SLC25A48: variants seen among roughly 807,000 people sequenced by gnomAD.
The protein encoded by SLC25A48 is CTC-321K16.1.
SLC25A48 carries 29 observed loss-of-function variants against 32.2 expected under a neutral mutation model. That is an observed-to-expected ratio of 0.90 (90% CI 0.67 to 1.23). SLC25A48 has a LOEUF of 1.23. SLC25A48 is among the 50% of genes most tolerant of loss of function. SLC25A48 has a pLI of 0.00. For missense variants in SLC25A48, 399 were observed against 422.7 expected (o/e 0.94, Z 0.49); for synonymous variants, 164 against 172.3 (o/e 0.95, Z 0.38).
intron 3 of SLC25A48, among the ~76,000 whole-genome samples, chr5:135,699,684 A>G (rs977697380): frequency 4.6e-5 from 7 of 152,252 alleles, no homozygotes; most frequent in African/African-American, 1.7e-4. Flanking sequence ...GATTTTAAAA[A>G]CAATGGTAAT....
Position 135,738,871 on chromosome 5 carries a change from C to G in SLC25A48, c.-520-73652C>G, listed in dbSNP as rs544499070. 9.8e-5 allele frequency among the ~76,000 whole-genome samples: 15 copies of G among 152,300 alleles called. No individual in the cohort carries two copies. The Middle Eastern group carries it at 0.01, about 104-fold the overall frequency. On this transcript the variant is annotated intron_variant, in intron 3 of 10. Transcript: ENST00000646290. ...CCGAGGCAGGCGGATGATCTGAGGT[C>G]AGGAGTTCGAGACCAGCCTTGCCAA...
intron 4 of SLC25A48, among the ~76,000 whole-genome samples, chr5:135,870,728 C>T (rs1243954813): frequency 2.0e-5 from 3 of 152,028 alleles, no homozygotes; most frequent in Admixed American, 6.5e-5. Flanking sequence ...GTTTTAAGCC[C>T]CTACAATGTT....
intron 4 of SLC25A48, among the ~76,000 whole-genome samples, chr5:135,854,341 C>T (rs906761672): frequency 1.6e-4 from 25 of 152,244 alleles, no homozygotes; most frequent in African/African-American, 6.0e-4. Flanking sequence ...GTCCTGAAGT[C>T]ATCTTTTTCC....
At chr5:135,878,014 G>A (rs2126826364) in intron 6 of SLC25A48, among the ~76,000 whole-genome samples, 1 of 152,344 alleles carries the variant, frequency 6.6e-6, no homozygotes, top group East Asian at 1.9e-4. Context: ...GTCGTTGCAA[G>A]CCAGGAAAGA....
chr5:135,582,816 C>A (rs900670025), intron 1 of SLC25A48, among the ~76,000 whole-genome samples: 2 of 152,202 alleles, frequency 1.3e-5, no homozygotes, highest in African/African-American at 4.8e-5. Flanking sequence ...GACAGGCAAC[C>A]CTCTTCTCCT....
intron 3 of SLC25A48, among the ~76,000 whole-genome samples, chr5:135,637,431 A>G (rs540601239): frequency 1.8e-3 from 274 of 152,300 alleles, no homozygotes; most frequent in African/African-American, 6.4e-3. Context: ...CAAAAAAGAG[A>G]AAGATGTTAC....
At chr5:135,699,151 C>T (rs1754332501) in intron 3 of SLC25A48, among the ~76,000 whole-genome samples, 1 of 152,130 alleles carries the variant, frequency 6.6e-6, no homozygotes. Flanking sequence ...TAATATGACC[C>T]AGTGATTTGA....
intron 3 of SLC25A48, among the ~76,000 whole-genome samples, chr5:135,670,191 G>A (rs1228129765): frequency 6.6e-6 from 1 of 152,160 alleles, no homozygotes; most frequent in Non-Finnish European, 1.5e-5. Flanking sequence ...TGGCTTTGGA[G>A]AGTCCCTTAA....
At chr5:135,725,031 G>C (rs887917397) in intron 3 of SLC25A48, among the ~76,000 whole-genome samples, 1 of 152,234 alleles carries the variant, frequency 6.6e-6, no homozygotes, top group African/African-American at 2.4e-5. Flanking sequence ...AAGGCTTTTT[G>C]CTCTTTTGAG....
At chr5:135,704,212 G>A (rs1233420333) in intron 3 of SLC25A48, among the ~76,000 whole-genome samples, 1 of 152,192 alleles carries the variant, frequency 6.6e-6, no homozygotes, top group Non-Finnish European at 1.5e-5. Flanking sequence ...CTTTGCTATG[G>A]AGCAAATTCC....
chr5:135,860,978 G>T (rs1760733442), intron 4 of SLC25A48, among the ~76,000 whole-genome samples: 1 of 152,186 alleles, frequency 6.6e-6, no homozygotes, highest in African/African-American at 2.4e-5. Context: ...TATATAGCCA[G>T]TGTATATTCA....
At chr5:135,648,539 G>A (rs1484352322) in intron 3 of SLC25A48, 1 of 152,208 alleles carries the variant, frequency 6.6e-6, no homozygotes, top group African/African-American at 2.4e-5. Context: ...TGTGGAAGCA[G>A]GAGACCTGCG....
At chr5:135,671,270 T>C (rs771876609) in intron 3 of SLC25A48, among the ~76,000 whole-genome samples, 2 of 152,234 alleles carry the variant, frequency 1.3e-5, no homozygotes, top group Non-Finnish European at 2.9e-5. Flanking sequence ...CTGGGAAGTT[T>C]GTCACTGATA....
chr5:135,646,031 T>C (rs1561772804), intron 3 of SLC25A48, among the ~76,000 whole-genome samples: 1 of 152,132 alleles, frequency 6.6e-6, no homozygotes, highest in Non-Finnish European at 1.5e-5. Flanking sequence ...GTTTTCTGTT[T>C]GTGTGAAAAA....
intron 1 of SLC25A48, among the ~76,000 whole-genome samples, chr5:135,585,076 C>T (rs566302206): frequency 1.3e-5 from 2 of 152,374 alleles, no homozygotes; most frequent in African/African-American, 4.8e-5. Flanking sequence ...GCAGGTGGCA[C>T]TGCAGAGAGG....
chr5:135,874,064 A>G lies in SLC25A48; in HGVS notation c.723A>G (p.Lys241=), dbSNP rs1335102670. The G allele has an allele frequency of 6.5e-7, 1 of 1,531,326 alleles. No homozygotes were observed. The highest frequency in any genetic ancestry group is 8.7e-7 in the Non-Finnish European group (1 of 1,145,338). 94.9% of individuals were successfully genotyped at this position (1,531,326 alleles called of 1,614,324 possible). ...WGTATPMDVV[K]SRLQADGVYL... is the part of the protein sequence containing the mutation. ...CAGCGACTCCTATGGATGTCGTGAA[A>G]AGTCGACTCCAAGCTGATGGGGTTT... Residue 241 remains lysine, a synonymous_variant, in exon 6 of 8, where the codon AAA becomes AAG. Transcript: ENST00000681962.
chr5:135,647,075 C>A (rs139738237), intron 3 of SLC25A48, among the ~76,000 whole-genome samples: 1 of 79,442 alleles, frequency 1.3e-5, no homozygotes, highest in African/African-American at 5.0e-5. Flanking sequence ...GTAATCATTT[C>A]GCAATGTGTA....
At chr5:135,769,260 G>GT (rs1561483924) in intron 3 of SLC25A48, among the ~76,000 whole-genome samples, 1 of 38,640 alleles carries the variant, frequency 2.6e-5, no homozygotes, top group Non-Finnish European at 1.1e-4. Flanking sequence ...TTGCAATATT[G>GT]GGGGGGGAGA....
chr5:135,739,675 C>G (rs572122914), intron 3 of SLC25A48, among the ~76,000 whole-genome samples: 1 of 152,306 alleles, frequency 6.6e-6, no homozygotes, highest in Admixed American at 6.5e-5. Flanking sequence ...TGACTTTAAT[C>G]AAGACATATT....
Sources: gnomAD v4.1 joint callset for allele counts (sites outside exome capture counted in the v4.1 genomes callset) on GRCh38, gnomAD v4.1.1 for gene constraint, MANE v1.5 for transcripts, NCBI Gene and HGNC (gene_info 2026-07-23, HGNC 2026-07-21) for gene names.